Variants in FNIP1 observed in about 807,000 individuals in gnomAD.
The protein encoded by FNIP1 is folliculin interacting protein 1.
A neutral mutation model predicts 124.5 loss-of-function variants in FNIP1; 40 were observed. The observed-to-expected ratio is 0.32, with a 90% CI of 0.25 to 0.42. The LOEUF (loss-of-function observed/expected upper bound fraction) is 0.42. Ranked by LOEUF, FNIP1 falls within the 10% of genes least tolerant of loss-of-function variation. The pLI is 1.00. For missense variants in FNIP1, 1,176 were observed against 1,403.7 expected (o/e 0.84, Z 2.59); for synonymous variants, 472 against 470.6 (o/e 1.00, Z -0.04).
intron 1 of FNIP1, among the ~76,000 whole-genome samples, chr5:131,748,356 G>T (rs527745200): frequency 2.2e-4 from 33 of 152,002 alleles, no homozygotes; most frequent in Non-Finnish European, 4.9e-4. Flanking sequence ...TCATATGAAG[G>T]TATTACGGAT....
intron 15 of FNIP1, among the ~76,000 whole-genome samples, chr5:131,657,848 G>A (rs1767254027): frequency 6.6e-6 from 1 of 150,908 alleles, no homozygotes; most frequent in African/African-American, 2.4e-5. Flanking sequence ...AGACCATCGT[G>A]GCTAACATGG....
intron 1 of FNIP1, chr5:131,796,476 A>G (rs1398842607): frequency 3.5e-6 from 1 of 285,062 alleles, no homozygotes; most frequent in Non-Finnish European, 6.6e-6. Flanking sequence ...CTGAGGTCCA[A>G]TCCAGCCCGC....
chr5:131,751,827 T>C (rs1770881529), intron 1 of FNIP1, among the ~76,000 whole-genome samples: 1 of 152,170 alleles, frequency 6.6e-6, no homozygotes, highest in Non-Finnish European at 1.5e-5. Flanking sequence ...GACTGCAATG[T>C]GTACGAGGTT....
At position 131,679,171 on chromosome 5, in the gene FNIP1, T is replaced by A. The variant is rs771227331; in HGVS notation, c.1207A>T (p.Thr403Ser). 9 of 1,568,712 alleles carry A rather than the reference T, an allele frequency of 5.7e-6. No homozygotes were observed. The highest frequency in any genetic ancestry group is 1.7e-4 in the Middle Eastern group (1 of 6,012). Reference protein sequence around the residue: ...IVDALNEFRTTICNLYTMPRI... With the variant: ...IVDALNEFRTSICNLYTMPRI... ...GGCATCGTGTAAAGATTACAAATTGTTGTTCTAAAAAGAGGAAGACACATT... is the reference window on the plus strand; with the variant it reads ...GGCATCGTGTAAAGATTACAAATTGATGTTCTAAAAAGAGGAAGACACATT... Residue 403 changes from threonine (T) to serine (S), a missense_variant, in exon 12 of 18, where the codon ACA (threonine) becomes TCA (serine). By Grantham distance (58) the Thr-to-Ser change is moderately conservative. Coordinates refer to ENST00000510461, the MANE Select transcript of FNIP1 (RefSeq NM_133372.3).
Position 131,718,851 on chromosome 5 carries a change from G to C in FNIP1, c.530+135C>G, listed in dbSNP as rs999684525. 8.4e-6 allele frequency: 5 copies of C among 597,148 alleles called. No individual in the cohort carries two copies. In the Admixed American group the frequency reaches 1.6e-4, roughly 19 times the overall value. 37.0% of individuals were successfully genotyped at this position (597,148 alleles called of 1,614,324 possible). A position where few individuals can be genotyped will look rare whatever the true frequency, so the allele number is the denominator to read the frequency against. On this transcript the variant is annotated intron_variant, in intron 5 of 17. Transcript: ENST00000510461. ...CTAAACTCAATTAAGAGTGAAATCT[G>C]GCTTCCATGAACTTTTAAACTTAAG...
At chr5:131,698,881 GA>G (rs754210159) in intron 11 of FNIP1, 35 bp downstream of exon 11, 2 of 1,530,130 alleles carry the variant, frequency 1.3e-6, no homozygotes, top group Non-Finnish European at 1.8e-6. Context: ...TGTACACTAT[GA>G]ATTACTGCAT....
At chr5:131,667,934 T>C (rs1452152405) in intron 15 of FNIP1, among the ~76,000 whole-genome samples, 1 of 152,190 alleles carries the variant, frequency 6.6e-6, no homozygotes, top group Non-Finnish European at 1.5e-5. Context: ...GGCCAGATTT[T>C]GTTATTAAAG....
chr5:131,693,448 T>A, intron 11 of FNIP1, among the ~76,000 whole-genome samples: 1 of 149,346 alleles, frequency 6.7e-6, no homozygotes, highest in East Asian at 2.0e-4. Context: ...TAAACTGATC[T>A]TTGACAACGG....
intron 3 of FNIP1, among the ~76,000 whole-genome samples, chr5:131,721,018 T>G (rs1475069165): frequency 1.3e-5 from 2 of 152,212 alleles, no homozygotes; most frequent in Non-Finnish European, 2.9e-5. Context: ...CTCAAAGAGA[T>G]GTTAGCACTC....
At chr5:131,720,355 T>G (rs1031155431) in intron 3 of FNIP1, among the ~76,000 whole-genome samples, 2 of 152,090 alleles carry the variant, frequency 1.3e-5, no homozygotes, top group African/African-American at 4.8e-5. Flanking sequence ...GAATATAGAT[T>G]AAAGGCTTAC....
intron 11 of FNIP1, among the ~76,000 whole-genome samples, chr5:131,686,593 T>G (rs762662307): frequency 1.3e-5 from 2 of 152,216 alleles, no homozygotes; most frequent in Admixed American, 6.5e-5. Flanking sequence ...TAATATAAAT[T>G]ATGGGGTACA....
At chr5:131,720,004 C>A (rs1354213199) in intron 3 of FNIP1, among the ~76,000 whole-genome samples, 2 of 152,176 alleles carry the variant, frequency 1.3e-5, no homozygotes, top group African/African-American at 4.8e-5. Context: ...CATGAAACCA[C>A]AGAAGACCAC....
intron 15 of FNIP1, among the ~76,000 whole-genome samples, chr5:131,657,223 C>T (rs979797730): frequency 4.6e-5 from 7 of 151,672 alleles, no homozygotes. Flanking sequence ...AGGCTGGTCT[C>T]GAACTCCTGA....
At chr5:131,746,433 C>G (rs536802169) in intron 1 of FNIP1, among the ~76,000 whole-genome samples, 2 of 152,246 alleles carry the variant, frequency 1.3e-5, no homozygotes, top group Admixed American at 6.5e-5. Context: ...TCCCTCCTGC[C>G]TTGCTCTACT....
At chr5:131,668,544 G>A (rs1019131892) in intron 15 of FNIP1, among the ~76,000 whole-genome samples, 1 of 152,128 alleles carries the variant, frequency 6.6e-6, no homozygotes, top group Non-Finnish European at 1.5e-5. Context: ...AATTAGGCAG[G>A]TGTGGTGGTG....
At chr5:131,737,890 C>T (rs188543117) in intron 2 of FNIP1, among the ~76,000 whole-genome samples, 5 of 152,264 alleles carry the variant, frequency 3.3e-5, no homozygotes, top group East Asian at 3.9e-4. Flanking sequence ...TGCTTAACAG[C>T]GGTTGCCAAC....
rs1043428296 is a variant in FNIP1 at position 131,663,145 on chromosome 5, T to A, written c.3108+7318A>T. On this transcript the variant is annotated intron_variant, in intron 15 of 17. Coordinates refer to ENST00000510461, the MANE Select transcript of FNIP1 (RefSeq NM_133372.3). Reference sequence around the variant, plus strand: ...TTAGTTAAGGCTTATTGATTTCACATAGAAGGTTACCTCTAGTAAAAGGAT... The same window carrying A: ...TTAGTTAAGGCTTATTGATTTCACAAAGAAGGTTACCTCTAGTAAAAGGAT... Among the ~76,000 whole-genome samples the A allele has an allele frequency of 5.9e-5, 9 of 152,320 alleles. No individual in the cohort carries two copies. The East Asian group carries it at 1.5e-3, about 26-fold the overall frequency.
chr5:131,682,203 C>G (rs921043234), intron 11 of FNIP1, among the ~76,000 whole-genome samples: 4 of 152,006 alleles, frequency 2.6e-5, no homozygotes, highest in African/African-American at 9.7e-5. Flanking sequence ...AGCATATTAC[C>G]GTCTACTATA....
In FNIP1 at chr5:131,756,695, C is replaced by T. The variant is rs143275324; in HGVS notation, c.93-12005G>A. On this transcript the variant is annotated intron_variant, in intron 1 of 17. Coordinates refer to ENST00000510461, the MANE Select transcript of FNIP1 (RefSeq NM_133372.3). ...AGTATGCAAGCTGGAGAGATGAAAT[C>T]GAGCATTTATAGCTGATCATTCATG... Among the ~76,000 whole-genome samples the T allele has an allele frequency of 1.4e-4, 21 of 152,204 alleles. No homozygotes were observed. The East Asian group carries it at 3.7e-3, about 27-fold the overall frequency.
Sources: allele counts gnomAD v4.1 joint callset (sites outside exome capture counted in the v4.1 genomes callset), GRCh38; gene constraint gnomAD v4.1.1; transcripts MANE v1.5; gene names NCBI Gene and HGNC (gene_info 2026-07-23, HGNC 2026-07-21).